ACOT1: variants seen among roughly 807,000 people sequenced by gnomAD.
ACOT1 encodes acyl-coenzyme A thioesterase 1.
A neutral mutation model predicts 15.7 loss-of-function variants in ACOT1; 8 were observed. The observed-to-expected ratio is 0.51, with a 90% CI of 0.30 to 0.92. ACOT1 has a LOEUF of 0.92. Ranked by LOEUF, ACOT1 falls within the 40% of genes least tolerant of loss-of-function variation. The pLI, the probability that ACOT1 is intolerant of heterozygous loss-of-function variation, is 0.06. For missense variants in ACOT1, 151 were observed against 539.4 expected (o/e 0.28, Z 7.13); for synonymous variants, 67 against 241.2 (o/e 0.28, Z 6.69).
the ACOT1 span, among the ~76,000 whole-genome samples, chr14:73,503,760 C>T: frequency 1.0e-3 from 158 of 152,306 alleles, no homozygotes; most frequent in Non-Finnish European, 4.3e-4. Context: ...CATTTACTAA[C>T]GGAAGACTTA....
chr14:73,524,263 A>G, the ACOT1 span, among the ~76,000 whole-genome samples: 2 of 139,592 alleles, frequency 1.4e-5, no homozygotes, highest in East Asian at 4.2e-4. Context: ...ATTGCACACC[A>G]GCCTGGGCAA....
At chr14:73,502,246 A>T in the ACOT1 span, among the ~76,000 whole-genome samples, 1 of 151,930 alleles carries the variant, frequency 6.6e-6, no homozygotes, top group Admixed American at 6.6e-5. Context: ...TCCTCTAGCC[A>T]CGCTGAGTAT....
chr14:73,493,548 A>G, the ACOT1 span, among the ~76,000 whole-genome samples: 2,053 of 152,162 alleles, frequency 0.013, 44 homozygotes, highest in African/African-American at 0.044. Flanking sequence ...CTTAAGGAAG[A>G]GACTCTCAGG....
At chr14:73,497,972 T>G in the ACOT1 span, among the ~76,000 whole-genome samples, 1 of 152,194 alleles carries the variant, frequency 6.6e-6, no homozygotes, top group Non-Finnish European at 1.5e-5. Flanking sequence ...TACATAAGCT[T>G]GACTTTCAAT....
chr14:73,495,122 G>C, the ACOT1 span: 3 of 935,072 alleles, frequency 3.2e-6, no homozygotes, highest in African/African-American at 3.3e-5. Flanking sequence ...ACCCTTTCCT[G>C]ACTCTTTCAT....
chr14:73,522,821 G>T, the ACOT1 span: 1 of 1,614,092 alleles, frequency 6.2e-7, no homozygotes, highest in Admixed American at 1.7e-5. Context: ...CTGAGGCCGG[G>T]CCTTCCTGAT....
At chr14:73,504,576 G>A in the ACOT1 span, among the ~76,000 whole-genome samples, 1 of 152,170 alleles carries the variant, frequency 6.6e-6, no homozygotes, top group Middle Eastern at 3.4e-3. Context: ...CCTAGGTGAC[G>A]CCTGTGCTGC....
At chr14:73,522,392 C>T in the ACOT1 span, 1 of 1,614,272 alleles carries the variant, frequency 6.2e-7, no homozygotes. Flanking sequence ...CTCCAGGTCA[C>T]TGGCAGAGGT....
the ACOT1 span, chr14:73,509,522 T>C: frequency 6.3e-7 from 1 of 1,596,016 alleles, no homozygotes; most frequent in South Asian, 1.1e-5. Flanking sequence ...TTTGCTTTTC[T>C]CACACACAGC....
the ACOT1 span, among the ~76,000 whole-genome samples, chr14:73,521,324 CTT>C: frequency 6.6e-6 from 1 of 152,070 alleles, no homozygotes; most frequent in African/African-American, 2.4e-5. Flanking sequence ...CAGCATAACC[CTT>C]TTTTAACATT....
the ACOT1 span, among the ~76,000 whole-genome samples, chr14:73,505,107 G>C: frequency 7.1e-3 from 1,074 of 151,950 alleles, 15 homozygotes; most frequent in African/African-American, 0.025. Context: ...ATTAGAGATG[G>C]GGTTTTGCCA....
chr14:73,524,308 A>ATATATATAT, the ACOT1 span, among the ~76,000 whole-genome samples: 68 of 83,508 alleles, frequency 8.1e-4, no homozygotes, highest in Middle Eastern at 7.1e-3. Flanking sequence ...AAAAAAAAAA[A>ATATATATAT]AAATATATAT....
the ACOT1 span, chr14:73,491,414 G>A: frequency 1.5e-6 from 2 of 1,349,308 alleles, no homozygotes; most frequent in African/African-American, 1.5e-5. Context: ...CGCGCGCCTG[G>A]TGGAGGTGCC....
At chr14:73,535,003 G>A (rs1888816546), upstream of ACOT1, among the ~76,000 whole-genome samples, 1 of 113,426 alleles carries the variant, frequency 8.8e-6, no homozygotes, top group African/African-American at 2.9e-5. Context: ...TTGGTAAAAA[G>A]TATATTTATA....
At chr14:73,498,757 T>C in the ACOT1 span, among the ~76,000 whole-genome samples, 1 of 152,168 alleles carries the variant, frequency 6.6e-6, no homozygotes, top group South Asian at 2.1e-4. Flanking sequence ...CAGAGCGTAA[T>C]AGTTGAGATC....
the ACOT1 span, chr14:73,499,159 T>G: frequency 6.2e-7 from 1 of 1,609,754 alleles, no homozygotes; most frequent in Non-Finnish European, 8.5e-7. Context: ...GAAAAGGCAG[T>G]GTTGAGTGGG....
chr14:73,518,891 G>A, the ACOT1 span: 2 of 782,222 alleles, frequency 2.6e-6, no homozygotes, highest in African/African-American at 3.5e-5. Flanking sequence ...TACGTAGAAA[G>A]GGGATTGCCT....
chr14:73,535,320 G>C (rs1888821394), upstream of ACOT1, among the ~76,000 whole-genome samples: 2 of 113,546 alleles, frequency 1.8e-5, 1 homozygote, highest in Non-Finnish European at 3.8e-5. Context: ...GGTCATACCA[G>C]TTTATATATC....
At chr14:73,495,933 G>A in the ACOT1 span, among the ~76,000 whole-genome samples, 2 of 152,124 alleles carry the variant, frequency 1.3e-5, no homozygotes, top group African/African-American at 4.8e-5. Flanking sequence ...TTCAAGACCA[G>A]CCTGGCCAAC....
Sources: allele counts gnomAD v4.1 joint callset (sites outside exome capture counted in the v4.1 genomes callset), GRCh38; gene constraint gnomAD v4.1.1; transcripts MANE v1.5; gene names NCBI Gene and HGNC (gene_info 2026-07-23, HGNC 2026-07-21).